RGP1: variants seen among roughly 807,000 people sequenced by gnomAD.
RGP1 encodes RGP1 partner of RAB6A GEF complex.
In RGP1, 28 loss-of-function variants were observed where a neutral mutation model predicts 44.5. The observed-to-expected ratio is 0.63, with a 90% CI of 0.47 to 0.86. The LOEUF is 0.86. RGP1 is among the 40% of genes least tolerant of loss of function. The pLI is 0.00. For missense variants in RGP1, 417 were observed against 490.7 expected (o/e 0.85, Z 1.42); for synonymous variants, 212 against 196.7 (o/e 1.08, Z -0.65).
chr9:35,777,523 T>A, the RGP1 span, among the ~76,000 whole-genome samples: 1 of 151,740 alleles, frequency 6.6e-6, no homozygotes, highest in Non-Finnish European at 1.5e-5. Context: ...TCTTGCTATG[T>A]TGACCAGGCT....
chr9:35,771,352 T>C, the RGP1 span, among the ~76,000 whole-genome samples: 2 of 152,188 alleles, frequency 1.3e-5, no homozygotes, highest in Non-Finnish European at 2.9e-5. Flanking sequence ...TTCTGAGCCT[T>C]GGAAGTTCTG....
chr9:35,763,085 C>G (rs1827433910), downstream of RGP1, among the ~76,000 whole-genome samples: 1 of 152,194 alleles, frequency 6.6e-6, no homozygotes, highest in African/African-American at 2.4e-5. Context: ...TACTGGCCAC[C>G]ACTGTAATCC....
chr9:35,751,030 A>G (rs755566871), intron 5 of RGP1, 41 bp downstream of exon 5: 3 of 1,607,066 alleles, frequency 1.9e-6, no homozygotes, highest in Admixed American at 1.7e-5. Context: ...GGGAAGGGCG[A>G]TGCCAAAGCA....
the RGP1 span, among the ~76,000 whole-genome samples, chr9:35,788,591 A>G: frequency 6.6e-6 from 1 of 151,958 alleles, no homozygotes; most frequent in Non-Finnish European, 1.5e-5. Context: ...AAAAAAGAAA[A>G]AGAAAGAGGG....
the RGP1 span, among the ~76,000 whole-genome samples, chr9:35,776,141 G>A: frequency 3.3e-5 from 5 of 152,152 alleles, no homozygotes; most frequent in Admixed American, 3.3e-4. Flanking sequence ...AGCTGTCACT[G>A]GTGGGAGAGG....
the RGP1 span, among the ~76,000 whole-genome samples, chr9:35,779,363 AAG>A: frequency 3.3e-5 from 5 of 152,230 alleles, no homozygotes; most frequent in Admixed American, 6.5e-5. Context: ...ATCTACATGA[AAG>A]AGAGATTGAT....
downstream of RGP1, among the ~76,000 whole-genome samples, chr9:35,759,223 T>C (rs921536187): frequency 6.6e-6 from 1 of 152,156 alleles, no homozygotes; most frequent in Non-Finnish European, 1.5e-5. Flanking sequence ...CCACACACTG[T>C]ATAGTGAATT....
At chr9:35,763,281 G>T (rs1226748986), downstream of RGP1, among the ~76,000 whole-genome samples, 1 of 152,166 alleles carries the variant, frequency 6.6e-6, no homozygotes, top group Non-Finnish European at 1.5e-5. Flanking sequence ...GGCTAACCTT[G>T]TGTTAGCATT....
chr9:35,750,380 G>A lies in RGP1; in HGVS notation c.253+1G>A. On this transcript the variant is annotated splice_donor_variant, in intron 3 of 8. Transcript: ENST00000378078. LOFTEE classifies it high-confidence loss of function. ...CAGACTGTCTTTCTGCCACACCGAG[G>A]TTAGAGAGGGGCATTTGCCTGGGAG... is the stretch of plus-strand genomic sequence containing the variant. 6.2e-7 allele frequency: 1 copy of A among 1,613,898 alleles called. No homozygotes were observed. Among genetic ancestry groups the A allele is most frequent in the Non-Finnish European group, 8.5e-7 (1 of 1,179,840 alleles).
chr9:35,752,732 C>T lies in RGP1; in HGVS notation c.1034C>T (p.Pro345Leu). ...GTACTCCTACCCCCTGTGGAACAGC[C>T]CGAACCTACCACCTGGACAGGACCT... Reference protein sequence around the residue: ...GLVLLPPVEQPEPTTWTGPEQ... With the variant: ...GLVLLPPVEQLEPTTWTGPEQ... Residue 345 changes from proline to leucine, a missense_variant, in exon 9 of 9, where the codon CCC (proline) becomes CTC (leucine). Pro to Leu is a moderately conservative substitution (Grantham distance 98, BLOSUM62 -3). Transcript: ENST00000378078. 1.2e-6 allele frequency: 2 copies of T among 1,613,742 alleles called. No homozygotes were observed. The highest frequency in any genetic ancestry group is 1.7e-6 in the Non-Finnish European group (2 of 1,179,796).
the RGP1 span, among the ~76,000 whole-genome samples, chr9:35,784,077 G>A: frequency 2.0e-5 from 3 of 152,012 alleles, no homozygotes; most frequent in Admixed American, 2.0e-4. Context: ...TTGGCCATTT[G>A]TATGTCTTCT....
chr9:35,785,721 G>A, the RGP1 span, among the ~76,000 whole-genome samples: 4 of 152,106 alleles, frequency 2.6e-5, no homozygotes, highest in African/African-American at 9.7e-5. Flanking sequence ...CGGGGTTCAC[G>A]GCTTGCCAGT....
chr9:35,784,156 T>C, the RGP1 span, among the ~76,000 whole-genome samples: 1 of 152,216 alleles, frequency 6.6e-6, no homozygotes, highest in African/African-American at 2.4e-5. Flanking sequence ...TATTGAATTG[T>C]TGAGTTCCTT....
At chr9:35,787,025 G>A in the RGP1 span, among the ~76,000 whole-genome samples, 9 of 151,540 alleles carry the variant, frequency 5.9e-5, no homozygotes, top group East Asian at 5.8e-4. Flanking sequence ...GTATTAACCC[G>A]GGAGGCGGAG....
At chr9:35,760,678 G>A (rs1342479059), downstream of RGP1, among the ~76,000 whole-genome samples, 1 of 152,170 alleles carries the variant, frequency 6.6e-6, no homozygotes, top group Non-Finnish European at 1.5e-5. Context: ...AACGCTGAAG[G>A]TAGAACCCAG....
chr9:35,768,118 C>A, the RGP1 span, among the ~76,000 whole-genome samples: 1 of 138,102 alleles, frequency 7.2e-6, no homozygotes, highest in East Asian at 2.1e-4. Flanking sequence ...TTTTTTTTTT[C>A]TTTAAGACAA....
the RGP1 span, among the ~76,000 whole-genome samples, chr9:35,763,735 A>C: frequency 5.3e-5 from 8 of 151,958 alleles, no homozygotes; most frequent in Non-Finnish European, 8.8e-5. Flanking sequence ...TACAAAAATT[A>C]GCCGAGTGTG....
downstream of RGP1, among the ~76,000 whole-genome samples, chr9:35,759,525 G>GCACTGCA (rs1363271193): frequency 8.5e-6 from 1 of 117,564 alleles, no homozygotes; most frequent in Non-Finnish European, 1.6e-5. Context: ...TTGCATCACT[G>GCACTGCA]CACTGCACTC....
At position 35,750,756 on chromosome 9, in the gene RGP1, C is replaced by T; in HGVS notation, c.337+15C>T. The T allele has an allele frequency of 6.2e-7, 1 of 1,613,918 alleles. No individual in the cohort carries two copies. Among genetic ancestry groups the T allele is most frequent in the Non-Finnish European group, 8.5e-7 (1 of 1,179,820 alleles). ...GTCCAAATCATGTGAGTGATTGTCCCCATCCCTGAATTGCCTTCTAAGTCT... is the reference window on the plus strand; with the variant it reads ...GTCCAAATCATGTGAGTGATTGTCCTCATCCCTGAATTGCCTTCTAAGTCT... On this transcript the variant is annotated intron_variant, in intron 4 of 8. Transcript: ENST00000378078.
Sources: allele counts gnomAD v4.1 joint callset (sites outside exome capture counted in the v4.1 genomes callset), GRCh38; gene constraint gnomAD v4.1.1; transcripts MANE v1.5; gene names NCBI Gene and HGNC (gene_info 2026-07-23, HGNC 2026-07-21).